Variants in DOCK4 observed in about 807,000 individuals in gnomAD.
DOCK4 encodes dedicator of cytokinesis protein 4.
DOCK4 carries 97 observed loss-of-function variants against 268.1 expected under a neutral mutation model. The observed-to-expected ratio is 0.36, with a 90% CI of 0.31 to 0.43. The LOEUF (loss-of-function observed/expected upper bound fraction) is 0.43, where lower values mean the gene tolerates loss of function less well. Among genes scored for constraint, DOCK4 ranks in the 20% least tolerant of loss-of-function variants. The probability of loss-of-function intolerance (pLI) is 1.00; values close to 1 mark genes in which losing one functional copy is unlikely to be tolerated. For synonymous variants in DOCK4, 954 were observed against 887.2 expected (o/e 1.08, Z -1.34); for missense variants, 2,145 against 2,455.7 (o/e 0.87, Z 2.67).
At chr7:112,023,011 G>C (rs1340144531) in intron 1 of DOCK4, among the ~76,000 whole-genome samples, 1 of 152,080 alleles carries the variant, frequency 6.6e-6, no homozygotes, top group East Asian at 1.9e-4. Flanking sequence ...CCACCTCCAA[G>C]GTTCAAGCGG....
rs1287519690 is a variant in DOCK4, at chr7:111,767,151, T to C, written c.3829-33A>G. On this transcript the variant is annotated intron_variant, in intron 37 of 52. Transcript: ENST00000428084. ...CAAATGAATGAGATCAATGGAACCATCTGACAATATCCACTTACTTCTACC... is the reference window on the plus strand; with the variant it reads ...CAAATGAATGAGATCAATGGAACCACCTGACAATATCCACTTACTTCTACC... The C allele has an allele frequency of 1.9e-6, 3 of 1,569,936 alleles. No homozygotes were observed. The African/African-American group carries it at 4.1e-5, about 21-fold the overall frequency.
chr7:111,872,604 G>A, intron 17 of DOCK4, 40 bp from the exon 18 acceptor site: 1 of 1,491,588 alleles, frequency 6.7e-7, no homozygotes. Context: ...CCTTAATAGA[G>A]AACAGGTCCT....
chr7:111,745,058 G>A (rs564876917), intron 44 of DOCK4, among the ~76,000 whole-genome samples: 1 of 152,056 alleles, frequency 6.6e-6, no homozygotes, highest in Non-Finnish European at 1.5e-5. Context: ...TTTAACACAG[G>A]CTTCCAACCA....
At chr7:112,008,338 ATC>A (rs1801020149) in intron 1 of DOCK4, among the ~76,000 whole-genome samples, 1 of 152,244 alleles carries the variant, frequency 6.6e-6, no homozygotes, top group South Asian at 2.1e-4. Flanking sequence ...CTTAAAAAAT[ATC>A]TGTCAGCTGA....
chr7:112,003,948 G>T (rs901715067), intron 2 of DOCK4, 100 bp downstream of exon 2: 5 of 809,554 alleles, frequency 6.2e-6, no homozygotes, highest in Middle Eastern at 4.8e-4. Flanking sequence ...GACTTGTGGT[G>T]ACTACTGGAA....
At chr7:112,000,852 T>C (rs1022287872) in intron 2 of DOCK4, among the ~76,000 whole-genome samples, 12 of 152,256 alleles carry the variant, frequency 7.9e-5, no homozygotes, top group Non-Finnish European at 1.5e-5. Context: ...TGTTTAATCT[T>C]GGCCAGGTTA....
At chr7:112,090,979 C>T (rs1173576994) in intron 1 of DOCK4, among the ~76,000 whole-genome samples, 1 of 152,138 alleles carries the variant, frequency 6.6e-6, no homozygotes, top group African/African-American at 2.4e-5. Flanking sequence ...TCACCAAACA[C>T]CTTAACCCTC....
At chr7:111,854,875 C>T (rs564466136) in intron 23 of DOCK4, among the ~76,000 whole-genome samples, 7 of 152,216 alleles carry the variant, frequency 4.6e-5, no homozygotes, top group South Asian at 4.1e-4. Context: ...GGGAAACAGA[C>T]GTTAATCAAT....
chr7:111,961,225 A>T (rs1395641772), intron 8 of DOCK4, among the ~76,000 whole-genome samples: 1 of 152,094 alleles, frequency 6.6e-6, no homozygotes, highest in African/African-American at 2.4e-5. Flanking sequence ...TCTTGATTCC[A>T]TCTCAGCATT....
chr7:112,015,434 C>G (rs1421643805), intron 1 of DOCK4, among the ~76,000 whole-genome samples: 1 of 152,182 alleles, frequency 6.6e-6, no homozygotes, highest in African/African-American at 2.4e-5. Context: ...CAGGGCTGCT[C>G]TGTCTATGGA....
chr7:112,129,098 C>T (rs1255482910), intron 1 of DOCK4, among the ~76,000 whole-genome samples: 2 of 152,196 alleles, frequency 1.3e-5, no homozygotes, highest in African/African-American at 4.8e-5. Context: ...AAAATCTGTA[C>T]ATGAATGTTC....
chr7:111,739,528 G>A lies in DOCK4; in HGVS notation c.5041-51C>T, dbSNP rs1467130459. The A allele has an allele frequency of 7.1e-6, 10 of 1,417,094 alleles. No homozygotes were observed. The Admixed American group carries it at 1.0e-4, about 14-fold the overall frequency. The allele number at this position is 1,417,094 out of a possible 1,614,324, so 87.8% of individuals were successfully genotyped here. On this transcript the variant is annotated intron_variant, in intron 47 of 52. Transcript: ENST00000428084. Reference sequence around the variant, plus strand: ...CATACCCTGATTAAAGGCTTCCCACGACACTGACGTATTTGAAACAAAATC... The same window carrying A: ...CATACCCTGATTAAAGGCTTCCCACAACACTGACGTATTTGAAACAAAATC...
intron 1 of DOCK4, among the ~76,000 whole-genome samples, chr7:112,061,025 T>C (rs1806339329): frequency 1.3e-5 from 2 of 152,220 alleles, no homozygotes; most frequent in Admixed American, 1.3e-4. Flanking sequence ...AGATAACTTA[T>C]AATCCCTCAT....
At chr7:112,108,235 CCA>C (rs2115623385) in intron 1 of DOCK4, among the ~76,000 whole-genome samples, 1 of 152,160 alleles carries the variant, frequency 6.6e-6, no homozygotes. Context: ...AAAATAAATA[CCA>C]CTCTCTAATA....
Position 111,742,131 on chromosome 7 carries a change from G to A in DOCK4, c.4679C>T (p.Ala1560Val). The change falls in exon 45 of 53, where the codon GCA becomes GTA. Residue 1560 changes from alanine (A) to valine (V), a missense_variant and splice_region_variant. Ala to Val is a moderately conservative substitution (Grantham distance 64). This residue lies in a region of DOCK4 where 1,598 missense variants were observed against 1,986.7 expected (regional missense o/e 0.80). Transcript: ENST00000428084. ...ARLRELMLEQ[A>V]QILEFGLAVH... ...GGCCAAACCAAATTCCAGAATCTGT[G>A]CCTTAATTCACAACATAAGGAAAAA... 1.3e-6 allele frequency: 2 copies of A among 1,589,172 alleles called. No individual in the cohort carries two copies. Among genetic ancestry groups the A allele is most frequent in the Non-Finnish European group, 1.7e-6 (2 of 1,170,202 alleles).
In DOCK4 at chr7:111,868,130, T is replaced by C. The variant is rs1431330183; in HGVS notation, c.2134A>G (p.Ile712Val). 6.3e-7 allele frequency: 1 copy of C among 1,598,414 alleles called. No homozygotes were observed. The change falls in exon 22 of 53, where the codon ATA becomes GTA. Residue 712 changes from isoleucine (I) to valine (V), a missense_variant. This residue lies in a region of DOCK4 where 1,598 missense variants were observed against 1,986.7 expected (regional missense o/e 0.80). Coordinates refer to ENST00000428084, the MANE Select transcript of DOCK4 (RefSeq NM_001363540.2). ...GAAAACAGCCTTCGAGATTGAACTA[T>C]ATACTTAAAAATGTATTCTTGTGCC... ...LKAQEYIFKY[I>V]VQSRRLFSLA...
At chr7:111,988,102 C>T (rs1799192929) in intron 6 of DOCK4, among the ~76,000 whole-genome samples, 1 of 152,114 alleles carries the variant, frequency 6.6e-6, no homozygotes, top group Non-Finnish European at 1.5e-5. Context: ...CAGTAAGAGG[C>T]AAATTTACCC....
chr7:112,103,496 G>A (rs1011264527), intron 1 of DOCK4, among the ~76,000 whole-genome samples: 1 of 152,152 alleles, frequency 6.6e-6, no homozygotes, highest in Non-Finnish European at 1.5e-5. Context: ...GGCAAATTAG[G>A]GCTGCAGTAT....
rs559287802 is a variant in DOCK4, at chr7:111,977,277, G to A, written c.556C>T (p.His186Tyr). ...SITELYRLME[H>Y]RHRKKDTPVQ... ...GGGGTGTCTTTCTTCCGATGTCGAT[G>A]TTCCATCTGAATGACACCCCCCAAC... The change falls in exon 8 of 53, where the codon CAT becomes TAT. Residue 186 changes from histidine to tyrosine, a missense_variant. By Grantham distance (83) the His-to-Tyr change is moderately conservative (BLOSUM62 2). Around this residue, in one of 2 missense-constraint regions of DOCK4, gnomAD observed 1,598 missense variants for 1,986.7 expected, o/e 0.80. Transcript: ENST00000428084. 1.3e-6 allele frequency: 2 copies of A among 1,595,062 alleles called. No homozygotes were observed. Among genetic ancestry groups the A allele is most frequent in the East Asian group, 2.3e-5 (1 of 44,214 alleles).
Sources: gnomAD v4.1 joint callset for allele counts (sites outside exome capture counted in the v4.1 genomes callset) on GRCh38, gnomAD v4.1.1 for gene constraint, gnomAD v4.1.1 regional missense constraint, MANE v1.5 for transcripts, NCBI Gene and HGNC (gene_info 2026-07-23, HGNC 2026-07-21) for gene names.